BTBD7: variants seen among roughly 807,000 people sequenced by gnomAD.
BTBD7 encodes BTB/POZ domain-containing protein 7.
In BTBD7, 38 loss-of-function variants were observed where a neutral mutation model predicts 99.9. The ratio of observed to expected loss-of-function variants is 0.38; its 90% confidence interval spans 0.29 to 0.50. The LOEUF (loss-of-function observed/expected upper bound fraction) is 0.50. BTBD7 is among the 20% of genes least tolerant of loss of function. The pLI, the probability that BTBD7 is intolerant of heterozygous loss-of-function variation, is 0.93. For synonymous variants in BTBD7, 520 were observed against 511.4 expected, an observed-to-expected ratio of 1.02 and a Z score of -0.23; for missense variants, 1,170 against 1,394.6, an observed-to-expected ratio of 0.84 and a Z score of 2.57.
intron 3 of BTBD7, among the ~76,000 whole-genome samples, chr14:93,273,009 T>C (rs740790): frequency 0.57 from 86,945 of 151,754 alleles, 26,126 homozygotes; most frequent in African/African-American, 0.77. Flanking sequence ...GCATGCACTG[T>C]GGGGAATGGG....
Position 93,238,703 on chromosome 14 carries a change from T to G in BTBD7, c.*3570A>C, listed in dbSNP as rs1246888720. 3.3e-5 allele frequency: 5 copies of G among 152,256 alleles called. No individual in the cohort carries two copies. The highest frequency in any genetic ancestry group is 6.5e-5 in the Admixed American group (1 of 15,288). The allele number at this position is 152,256 out of a possible 1,614,324, so 9.4% of individuals were successfully genotyped here. The stretch of plus-strand genomic sequence containing the variant: ...AATATATATTTTGCCGGGTAGTTAC[T>G]GAGAAATGTCAATCCTTTCAACTCT... On this transcript the variant is annotated 3_prime_UTR_variant, in exon 11 of 11. Transcript: ENST00000334746.
At chr14:93,300,727 T>C (rs1451783309) in intron 1 of BTBD7, among the ~76,000 whole-genome samples, 1 of 76,598 alleles carries the variant, frequency 1.3e-5, no homozygotes, top group African/African-American at 8.0e-5. Context: ...TGTGTGTGTG[T>C]GTGTGTGTGT....
intron 3 of BTBD7, among the ~76,000 whole-genome samples, chr14:93,268,066 G>A (rs905808468): frequency 1.3e-5 from 2 of 152,058 alleles, no homozygotes; most frequent in Admixed American, 6.6e-5. Flanking sequence ...CCATCCCTGC[G>A]CAGACTCTAC....
Position 93,300,743 on chromosome 14 carries a change from TGTGTGTGTG to T in BTBD7, c.-106-4595_-106-4587del, listed in dbSNP as rs1566857041. 1.8e-3 allele frequency among the ~76,000 whole-genome samples: 163 copies of T among 92,328 alleles called. 7 individuals carry two copies. In the East Asian group the frequency reaches 0.03, roughly 17 times the overall value. 60.6% of individuals were successfully genotyped at this position (92,328 alleles called of 152,430 possible). ...GTGTGTGTGTGTGTGTGTGTGTGTGTGTGTGTGTGTGTGTGTGTGTGTGTGTGTGTATAT... is the reference window on the plus strand; with the variant it reads ...GTGTGTGTGTGTGTGTGTGTGTGTGTTGTGTGTGTGTGTGTGTGTGTATAT... On this transcript the variant is annotated intron_variant, in intron 1 of 10. Transcript: ENST00000334746.
intron 6 of BTBD7, among the ~76,000 whole-genome samples, chr14:93,254,416 A>G (rs904393006): frequency 6.6e-6 from 1 of 152,162 alleles, no homozygotes; most frequent in African/African-American, 2.4e-5. Flanking sequence ...TTACTCATCT[A>G]GGAACAAATT....
chr14:93,243,647 T>A lies in BTBD7; in HGVS notation c.2584-559A>T, dbSNP rs1369297914. Among the ~76,000 whole-genome samples the A allele has an allele frequency of 3.3e-5, 5 of 152,338 alleles. No homozygotes were observed. In the East Asian group the frequency reaches 9.6e-4, roughly 29 times the overall value. On this transcript the variant is annotated intron_variant, in intron 10 of 10. Transcript: ENST00000334746. ...CTGATGAAATTTAGTACCTATATAATCTGTCACTAAATCTTTGAGATCACC... is the reference window on the plus strand; with the variant it reads ...CTGATGAAATTTAGTACCTATATAAACTGTCACTAAATCTTTGAGATCACC...
In BTBD7 at chr14:93,242,507, C is replaced by G; in HGVS notation, c.3165G>C (p.Arg1055Ser). 1.2e-6 allele frequency: 2 copies of G among 1,614,236 alleles called. No homozygotes were observed. Among genetic ancestry groups the G allele is most frequent in the Non-Finnish European group, 1.7e-6 (2 of 1,180,042 alleles). The change falls in exon 11 of 11, where the codon AGG (arginine) becomes AGC (serine). Residue 1055 changes from arginine (R) to serine (S), a missense_variant. Physicochemically the swap from Arg to Ser is moderately radical, Grantham distance 110. Coordinates refer to ENST00000334746, the MANE Select transcript of BTBD7 (RefSeq NM_001002860.4). The part of the protein sequence containing the change: ...ENASTGPAHV[R>S]GRTAVETDLT... ...AGTCAGTTTCTACTGCAGTTCGTCC[C>G]CTGACATGGGCTGGACCGGTACTAG...
chr14:93,259,602 T>C (rs1366177288), intron 5 of BTBD7, among the ~76,000 whole-genome samples: 9 of 152,220 alleles, frequency 5.9e-5, no homozygotes, highest in Admixed American at 2.0e-4. Context: ...TTGACAAATA[T>C]AAAAGCTACG....
intron 1 of BTBD7, among the ~76,000 whole-genome samples, chr14:93,315,786 C>T (rs1231703073): frequency 6.6e-6 from 1 of 152,020 alleles, no homozygotes; most frequent in Non-Finnish European, 1.5e-5. Flanking sequence ...TATGGATATA[C>T]CACATTGTAT....
chr14:93,246,008 C>G lies in BTBD7; in HGVS notation c.2400G>C (p.Ser800=). 1 of 1,613,604 alleles carries G rather than the reference C, an allele frequency of 6.2e-7. No homozygotes were observed. Among genetic ancestry groups the G allele is most frequent in the Non-Finnish European group, 8.5e-7 (1 of 1,180,000 alleles). Reference sequence around the variant, plus strand: ...TAGGAGCTGTTCTGGAGTGGAACAGCGAATGATTACAGGGATAAGAAAATG... The same window carrying G: ...TAGGAGCTGTTCTGGAGTGGAACAGGGAATGATTACAGGGATAAGAAAATG... ...SRSFSYPCNH[S]LFHSRTAPKA... is the part of the protein sequence containing the mutation. Residue 800 remains serine (S), a synonymous_variant, in exon 10 of 11, where the codon TCG becomes TCC. Transcript: ENST00000334746.
intron 1 of BTBD7, among the ~76,000 whole-genome samples, chr14:93,319,069 T>A (rs1406443772): frequency 2.0e-5 from 3 of 152,036 alleles, no homozygotes; most frequent in Non-Finnish European, 4.4e-5. Context: ...TCGCCAAGTG[T>A]GATAGTGTGT....
At chr14:93,252,988 A>C (rs185871548) in intron 7 of BTBD7, among the ~76,000 whole-genome samples, 1 of 152,176 alleles carries the variant, frequency 6.6e-6, no homozygotes, top group East Asian at 1.9e-4. Context: ...ACAACTGGCT[A>C]AATTTTTCCT....
chr14:93,296,447 A>G (rs1184450669), intron 1 of BTBD7, among the ~76,000 whole-genome samples: 1 of 152,258 alleles, frequency 6.6e-6, no homozygotes, highest in Non-Finnish European at 1.5e-5. Context: ...CACAGGGAAA[A>G]GTACTTGGAC....
intron 1 of BTBD7, among the ~76,000 whole-genome samples, chr14:93,319,898 T>G (rs950636080): frequency 6.6e-6 from 1 of 150,792 alleles, no homozygotes; most frequent in Non-Finnish European, 1.5e-5. Context: ...GACTTGAGAG[T>G]TGAATAACAG....
chr14:93,238,600 T>C lies in BTBD7; in HGVS notation c.*3673A>G, dbSNP rs1013944246. 3 of 152,376 alleles carry C rather than the reference T, an allele frequency of 2.0e-5. No individual in the cohort carries two copies. The highest frequency in any genetic ancestry group is 7.2e-5 in the African/African-American group (3 of 41,464). The allele number at this position is 152,376 out of a possible 1,614,324, so 9.4% of individuals were successfully genotyped here. A position where few individuals can be genotyped will look rare whatever the true frequency, so the allele number is the denominator to read the frequency against. ...CAGTCCTAAAAATATGAATGCCTTA[T>C]AATTAATTTCAAAATAAGTATCTTA... On this transcript the variant is annotated 3_prime_UTR_variant, in exon 11 of 11. Transcript: ENST00000334746.
At chr14:93,323,683 T>C (rs761709344) in intron 1 of BTBD7, among the ~76,000 whole-genome samples, 1 of 152,236 alleles carries the variant, frequency 6.6e-6, no homozygotes, top group Non-Finnish European at 1.5e-5. Context: ...GCCAGGAGAC[T>C]GACATAGTTT....
intron 1 of BTBD7, among the ~76,000 whole-genome samples, chr14:93,296,779 T>A (rs2052932887): frequency 6.6e-6 from 1 of 152,132 alleles, no homozygotes; most frequent in South Asian, 2.1e-4. Flanking sequence ...AAACAAAAAA[T>A]TTTATCTATC....
chr14:93,298,122 C>T (rs1459450960), intron 1 of BTBD7, among the ~76,000 whole-genome samples: 1 of 152,052 alleles, frequency 6.6e-6, no homozygotes, highest in Non-Finnish European at 1.5e-5. Flanking sequence ...ATGCTTATGG[C>T]ATGAAACAAA....
At position 93,315,596 on chromosome 14, in the gene BTBD7, T is replaced by C. The variant is rs549966361; in HGVS notation, c.-107+17224A>G. ...CCTCAATTCCCCAATCCTAGGCAAC[T>C]ACTAATCTAATTTCTACCTCTATTA... On this transcript the variant is annotated intron_variant, in intron 1 of 10. Coordinates refer to ENST00000334746, the MANE Select transcript of BTBD7 (RefSeq NM_001002860.4). 2.0e-5 allele frequency among the ~76,000 whole-genome samples: 3 copies of C among 152,370 alleles called. No individual in the cohort carries two copies. In the East Asian group the frequency reaches 5.8e-4, roughly 29 times the overall value.
Sources: allele counts gnomAD v4.1 joint callset (sites outside exome capture counted in the v4.1 genomes callset), GRCh38; gene constraint gnomAD v4.1.1; transcripts MANE v1.5; gene names NCBI Gene and HGNC (gene_info 2026-07-23, HGNC 2026-07-21).